Variants in CELF2 observed in about 807,000 individuals in gnomAD.
The protein encoded by CELF2 is CUGBP Elav-like family member 2, also known as CUG triplet repeat RNA-binding protein 2.
Under a neutral mutation model 62.6 loss-of-function variants are expected in CELF2, and 8 were observed. The observed-to-expected ratio is 0.13, with a 90% CI of 0.07 to 0.23. The LOEUF (loss-of-function observed/expected upper bound fraction) is 0.23, where lower values mean the gene tolerates loss of function less well. Among genes scored for constraint, CELF2 ranks in the 10% least tolerant of loss-of-function variants. CELF2 has a pLI of 1.00. For synonymous variants in CELF2, 258 were observed against 250.0 expected (o/e 1.03, Z -0.30); for missense variants, 333 against 671.0 (o/e 0.50, Z 5.56).
chr10:11,023,311 A>C (rs971364985), intron 1 of CELF2, among the ~76,000 whole-genome samples: 32 of 152,214 alleles, frequency 2.1e-4, no homozygotes, highest in African/African-American at 7.5e-4. Flanking sequence ...GTGGTGTGCT[A>C]CTTGTGTAGC....
intron 1 of CELF2, chr10:11,101,997 T>A (rs1268790887): frequency 6.6e-6 from 1 of 152,182 alleles, no homozygotes. Flanking sequence ...TTTAAGGGTG[T>A]TTTTTTCTTT....
the CELF2 span, among the ~76,000 whole-genome samples, chr10:10,476,141 G>A: frequency 1.3e-5 from 2 of 151,992 alleles, no homozygotes; most frequent in African/African-American, 4.8e-5. Flanking sequence ...GAACATTCTG[G>A]GCAAATACCA....
chr10:10,810,219 T>A (rs796138425), intron 1 of CELF2, among the ~76,000 whole-genome samples: 53 of 152,314 alleles, frequency 3.5e-4, no homozygotes, highest in African/African-American at 1.2e-3. Flanking sequence ...AATACAATAA[T>A]ACAAAATACA....
At chr10:10,941,524 T>C (rs756461415) in intron 2 of CELF2, among the ~76,000 whole-genome samples, 6 of 152,216 alleles carry the variant, frequency 3.9e-5, no homozygotes, top group Non-Finnish European at 7.3e-5. Context: ...AGTTCACTAA[T>C]GCTAACGCTG....
rs1002807227 is a variant in CELF2, at chr10:10,911,483, T to C, written c.54-8481T>C. On this transcript the variant is annotated intron_variant, in intron 1 of 13. Transcript: ENST00000636488. Reference sequence around the variant, plus strand: ...GTGATTAGATTCAATGAACCTGAACTGCAGCGATGCCTCTGACGGCTCCGA... The same window carrying C: ...GTGATTAGATTCAATGAACCTGAACCGCAGCGATGCCTCTGACGGCTCCGA... 3.9e-5 allele frequency among the ~76,000 whole-genome samples: 6 copies of C among 152,364 alleles called. No individual in the cohort carries two copies. The South Asian group carries it at 1.0e-3, about 26-fold the overall frequency.
At chr10:10,814,728 C>G (rs894036521) in intron 1 of CELF2, among the ~76,000 whole-genome samples, 8 of 152,314 alleles carry the variant, frequency 5.3e-5, no homozygotes, top group African/African-American at 1.7e-4. Context: ...TCAGTTACAG[C>G]TTACCTTGAG....
At chr10:10,472,735 C>T in the CELF2 span, among the ~76,000 whole-genome samples, 3 of 151,796 alleles carry the variant, frequency 2.0e-5, no homozygotes, top group African/African-American at 7.3e-5. Context: ...ATTAATTTGC[C>T]TGGACATTAA....
rs1351324964 is a variant in CELF2, at chr10:11,005,963, G to A, written c.53+523G>A. On this transcript the variant is annotated intron_variant, in intron 1 of 12. Transcript: ENST00000416382. The surrounding 1 kb of genome is among the most constrained non-coding windows in gnomAD (Gnocchi z 4.3). ...TTGCCAAAATGTGTACCCGTTTGGA[G>A]ACCTCTTTCATGCATGGCGTCCTGG... Among the ~76,000 whole-genome samples the A allele has an allele frequency of 1.3e-5, 2 of 152,162 alleles. No individual in the cohort carries two copies. Among genetic ancestry groups the A allele is most frequent in the Non-Finnish European group, 2.9e-5 (2 of 68,032 alleles).
intron 1 of CELF2, among the ~76,000 whole-genome samples, chr10:11,022,244 CAT>C (rs1564405314): frequency 2.0e-5 from 3 of 152,176 alleles, no homozygotes; most frequent in Admixed American, 6.5e-5. Context: ...GTTAACAGCA[CAT>C]GTTATCAGCT....
the CELF2 span, among the ~76,000 whole-genome samples, chr10:10,656,149 T>C: frequency 1.4e-5 from 2 of 145,232 alleles, no homozygotes; most frequent in Non-Finnish European, 3.0e-5. Context: ...ATCAGAGAAA[T>C]GCAAATCAAA....
chr10:11,025,298 G>A (rs1190536767), intron 1 of CELF2, among the ~76,000 whole-genome samples: 4 of 151,082 alleles, frequency 2.6e-5, no homozygotes, highest in Non-Finnish European at 5.9e-5. Flanking sequence ...GTTAGGCTTT[G>A]TGTCCCCACC....
intron 3 of CELF2, among the ~76,000 whole-genome samples, chr10:11,241,188 G>C (rs183037956): frequency 6.6e-6 from 1 of 152,164 alleles, no homozygotes; most frequent in Non-Finnish European, 1.5e-5. Context: ...CTTTGTCCCA[G>C]TGATAAAAAC....
chr10:10,661,073 C>G, the CELF2 span, among the ~76,000 whole-genome samples: 2 of 152,202 alleles, frequency 1.3e-5, no homozygotes, highest in Non-Finnish European at 2.9e-5. Flanking sequence ...CAGTGAGATG[C>G]TCAGATCTTA....
At chr10:11,144,915 A>G (rs1329941231) in intron 1 of CELF2, among the ~76,000 whole-genome samples, 4 of 128,616 alleles carry the variant, frequency 3.1e-5, no homozygotes, top group Non-Finnish European at 5.8e-5. Context: ...AAAAAAAAAA[A>G]AAAAAAAAGG....
the CELF2 span, among the ~76,000 whole-genome samples, chr10:10,500,159 C>T: frequency 6.6e-6 from 1 of 152,096 alleles, no homozygotes; most frequent in Admixed American, 6.5e-5. Context: ...GAGATAGGAT[C>T]CATCTTACTT....
At chr10:10,703,791 A>G in the CELF2 span, among the ~76,000 whole-genome samples, 1 of 152,172 alleles carries the variant, frequency 6.6e-6, no homozygotes, top group Non-Finnish European at 1.5e-5. Context: ...GCACAAAAAC[A>G]TGTAGCATTT....
the CELF2 span, among the ~76,000 whole-genome samples, chr10:10,684,130 G>T: frequency 1.3e-5 from 2 of 152,172 alleles, no homozygotes; most frequent in Non-Finnish European, 2.9e-5. Context: ...AAGGGATGAA[G>T]CACGGATGAT....
At chr10:11,174,264 C>T (rs1238779675) in intron 2 of CELF2, among the ~76,000 whole-genome samples, 1 of 152,136 alleles carries the variant, frequency 6.6e-6, no homozygotes, top group Non-Finnish European at 1.5e-5. Flanking sequence ...CAAACACACA[C>T]ACACAAATGG....
chr10:10,659,045 G>A, the CELF2 span, among the ~76,000 whole-genome samples: 1 of 152,110 alleles, frequency 6.6e-6, no homozygotes, highest in Non-Finnish European at 1.5e-5. Context: ...CTTCACAATT[G>A]TTTGACCTCT....
Sources: allele counts gnomAD v4.1 joint callset (sites outside exome capture counted in the v4.1 genomes callset), GRCh38; gene constraint gnomAD v4.1.1; non-coding constraint Gnocchi (gnomAD v3.1); transcripts MANE v1.5; gene names NCBI Gene and HGNC (gene_info 2026-07-23, HGNC 2026-07-21).